The following HS2ST1 variants were observed in gnomAD, a reference collection of about 807,000 sequenced individuals.
The protein encoded by HS2ST1 is heparan sulfate 2-O-sulfotransferase 1.
A neutral mutation model predicts 42.9 loss-of-function variants in HS2ST1; 18 were observed. The observed-to-expected ratio is 0.42, with a 90% CI of 0.29 to 0.62. HS2ST1 has a LOEUF of 0.62. Ranked by LOEUF, HS2ST1 falls within the 20% of genes least tolerant of loss-of-function variation. HS2ST1 has a pLI of 0.21. For synonymous variants in HS2ST1, 146 were observed against 152.9 expected (o/e 0.95, Z 0.33); for missense variants, 334 against 433.8 (o/e 0.77, Z 2.04).
intron 1 of HS2ST1, among the ~76,000 whole-genome samples, chr1:87,009,051 C>G (rs1056898145): frequency 1.3e-5 from 2 of 152,138 alleles, no homozygotes; most frequent in Non-Finnish European, 2.9e-5. Context: ...ACCATGTTGT[C>G]CAAGCTGGTC....
In HS2ST1 at chr1:87,088,540, G is replaced by T. The variant is rs575347638; in HGVS notation, c.450-3991G>T. On this transcript the variant is annotated intron_variant, in intron 3 of 6. Transcript: ENST00000370550. The stretch of plus-strand genomic sequence containing the variant: ...GTCAAAACATTTGCATACAGGTTTT[G>T]TGCGGACTTATGTCTTAACTTCTCT... Among the ~76,000 whole-genome samples the T allele has an allele frequency of 2.9e-4, 44 of 152,130 alleles. 1 individual carries two copies. The highest frequency in any genetic ancestry group is 1.0e-3 in the African/African-American group (43 of 41,534).
chr1:87,003,408 C>A (rs1649346803), intron 1 of HS2ST1, among the ~76,000 whole-genome samples: 1 of 152,116 alleles, frequency 6.6e-6, no homozygotes, highest in Admixed American at 6.6e-5. Flanking sequence ...TATTCATGAA[C>A]AAAAACCAGT....
At chr1:87,026,347 C>G (rs1650085670) in intron 1 of HS2ST1, among the ~76,000 whole-genome samples, 1 of 152,158 alleles carries the variant, frequency 6.6e-6, no homozygotes, top group African/African-American at 2.4e-5. Flanking sequence ...CTTAAAACAT[C>G]TTTTCTTTTG....
intron 3 of HS2ST1, among the ~76,000 whole-genome samples, chr1:87,089,387 G>A (rs577350965): frequency 9.9e-5 from 15 of 152,114 alleles, no homozygotes; most frequent in Middle Eastern, 3.4e-3. Flanking sequence ...CAGGAAGATC[G>A]TGTTCTAACA....
chr1:87,052,402 A>G (rs937762352), intron 1 of HS2ST1, among the ~76,000 whole-genome samples: 4 of 152,180 alleles, frequency 2.6e-5, no homozygotes, highest in Admixed American at 1.3e-4. Context: ...TCCTAGATGA[A>G]TATCTTTAAC....
intron 1 of HS2ST1, among the ~76,000 whole-genome samples, chr1:87,052,662 G>C (rs1012196117): frequency 2.6e-5 from 4 of 152,170 alleles, no homozygotes; most frequent in African/African-American, 9.7e-5. Context: ...GGGAAATCCA[G>C]TTAGTCCAAT....
intron 1 of HS2ST1, among the ~76,000 whole-genome samples, chr1:86,947,456 A>T (rs1391990566): frequency 2.0e-5 from 3 of 152,168 alleles, no homozygotes; most frequent in Non-Finnish European, 4.4e-5. Context: ...GCCCTTGTTT[A>T]GTATAGTAAC....
intron 1 of HS2ST1, among the ~76,000 whole-genome samples, chr1:86,924,689 A>G (rs1019110887): frequency 6.6e-6 from 1 of 152,166 alleles, no homozygotes; most frequent in African/African-American, 2.4e-5. Context: ...CTTTTCAGCC[A>G]TGGCAGGAGG....
At chr1:87,039,235 T>C (rs954211809) in intron 1 of HS2ST1, among the ~76,000 whole-genome samples, 1 of 152,226 alleles carries the variant, frequency 6.6e-6, no homozygotes, top group Non-Finnish European at 1.5e-5. Flanking sequence ...AAAGTTAAAG[T>C]ATCTTGGCAG....
In HS2ST1 at chr1:87,103,528, C is replaced by T; in HGVS notation, c.783C>T (p.Ile261=). 1 of 1,612,316 alleles carries T rather than the reference C, an allele frequency of 6.2e-7. No individual in the cohort carries two copies. Among genetic ancestry groups the T allele is most frequent in the South Asian group, 1.1e-5 (1 of 90,658 alleles). The part of the protein sequence containing the change: ...VGVTEELEDF[I]MLLEAALPRF... ...TTACTGAAGAACTTGAAGATTTTAT[C>T]ATGTTATTGGAGGCAGCATTGCCCC... The change falls in exon 6 of 7, where the codon ATC becomes ATT. Residue 261 remains isoleucine (I), a synonymous_variant. Coordinates refer to ENST00000370550, the MANE Select transcript of HS2ST1 (RefSeq NM_012262.4).
intron 4 of HS2ST1, among the ~76,000 whole-genome samples, chr1:87,097,551 G>T (rs1652098220): frequency 6.6e-6 from 1 of 151,988 alleles, no homozygotes; most frequent in Non-Finnish European, 1.5e-5. Context: ...GTGCTACCAC[G>T]CCCAGCTAAT....
intron 1 of HS2ST1, among the ~76,000 whole-genome samples, chr1:86,974,472 G>A (rs1447828783): frequency 6.6e-6 from 1 of 152,112 alleles, no homozygotes; most frequent in Non-Finnish European, 1.5e-5. Flanking sequence ...TAACTAAAGT[G>A]CTTTCCTGAG....
chr1:87,097,629 C>T (rs961446382), intron 4 of HS2ST1, among the ~76,000 whole-genome samples: 2 of 152,062 alleles, frequency 1.3e-5, no homozygotes, highest in Admixed American at 6.6e-5. Flanking sequence ...CTTGACCTCG[C>T]GATCTGCCCG....
intron 1 of HS2ST1, among the ~76,000 whole-genome samples, chr1:86,938,832 G>C (rs936774283): frequency 1.3e-5 from 2 of 152,160 alleles, no homozygotes; most frequent in African/African-American, 4.8e-5. Context: ...TTCTTAGAGA[G>C]TCTAGGAAAT....
At chr1:86,954,404 T>C (rs1053165308) in intron 1 of HS2ST1, among the ~76,000 whole-genome samples, 3 of 152,166 alleles carry the variant, frequency 2.0e-5, no homozygotes, top group African/African-American at 4.8e-5. Context: ...ATAAAATCTG[T>C]CTGTAATATT....
chr1:87,046,367 T>A (rs780543806), intron 1 of HS2ST1: 14 of 760,792 alleles, frequency 1.8e-5, no homozygotes, highest in Non-Finnish European at 2.7e-5. Flanking sequence ...ACTTAAGAAG[T>A]ATCTCCTGAC....
In HS2ST1 at chr1:86,914,667, C is replaced by T. The variant is rs1175724169; in HGVS notation, c.-370C>T. 1 of 217,984 alleles carries T rather than the reference C, an allele frequency of 4.6e-6. No homozygotes were observed. Among genetic ancestry groups the T allele is most frequent in the East Asian group, 1.4e-4 (1 of 7,316 alleles). The allele number at this position is 217,984 out of a possible 1,614,324, so 13.5% of individuals were successfully genotyped here. ...CAGCGCCGGTGGAGGGGCGCGCGGC[C>T]GCGAGCAAAGGAGGGAGGGAAGGAA... On this transcript the variant is annotated 5_prime_UTR_variant, in exon 1 of 7. Coordinates refer to ENST00000370550, the MANE Select transcript of HS2ST1 (RefSeq NM_012262.4).
rs1652338402 is a variant in HS2ST1, at chr1:87,106,955, T to G, written c.*2259T>G. 6.6e-6 allele frequency: 1 copy of G among 152,074 alleles called. No homozygotes were observed. Among genetic ancestry groups the G allele is most frequent in the African/African-American group, 2.4e-5 (1 of 41,436 alleles). The allele number at this position is 152,074 out of a possible 1,614,324, so 9.4% of individuals were successfully genotyped here. ...TGTGGAAGGGCCAGAGAGTAAATAT[T>G]TTAGGCTTTGCAGCCCATACGGTCT... On this transcript the variant is annotated 3_prime_UTR_variant, in exon 7 of 7. Coordinates refer to ENST00000370550, the MANE Select transcript of HS2ST1 (RefSeq NM_012262.4).
chr1:87,020,892 T>C (rs1649925541), intron 1 of HS2ST1, among the ~76,000 whole-genome samples: 1 of 152,174 alleles, frequency 6.6e-6, no homozygotes, highest in African/African-American at 2.4e-5. Flanking sequence ...CATAACAAGA[T>C]CTTTAGCCCT....
Sources: allele counts gnomAD v4.1 joint callset (sites outside exome capture counted in the v4.1 genomes callset), GRCh38; gene constraint gnomAD v4.1.1; transcripts MANE v1.5; gene names NCBI Gene and HGNC (gene_info 2026-07-23, HGNC 2026-07-21).